DYNC1I1: variants seen among roughly 807,000 people sequenced by gnomAD.
DYNC1I1 encodes the protein cytoplasmic dynein 1 intermediate chain 1.
DYNC1I1 carries 43 observed loss-of-function variants against 86.6 expected under a neutral mutation model. The observed-to-expected ratio is 0.50, with a 90% CI of 0.39 to 0.64. The LOEUF is 0.64. Among genes scored for constraint, DYNC1I1 ranks in the 30% least tolerant of loss-of-function variants. DYNC1I1 has a pLI of 0.00. For synonymous variants in DYNC1I1, 262 were observed against 283.7 expected (o/e 0.92, Z 0.77); for missense variants, 604 against 788.8 (o/e 0.77, Z 2.81).
intron 16 of DYNC1I1, among the ~76,000 whole-genome samples, chr7:96,090,137 A>AAAGATTTCTGAGGAAAGAAGGATGAT (rs1209917395): frequency 6.6e-6 from 1 of 152,176 alleles, no homozygotes; most frequent in Non-Finnish European, 1.5e-5. Context: ...AATAAGGCGA[A>AAAGATTTCTGAGGAAAGAAGGATGAT]AAGATTTCTG....
At chr7:96,014,314 C>T (rs1194461899) in intron 10 of DYNC1I1, among the ~76,000 whole-genome samples, 1 of 152,158 alleles carries the variant, frequency 6.6e-6, no homozygotes, top group Non-Finnish European at 1.5e-5. Flanking sequence ...CTTTCCAGAA[C>T]GTGAGTCTCC....
chr7:96,071,678 A>G (rs1030371724), intron 14 of DYNC1I1, among the ~76,000 whole-genome samples: 9 of 152,316 alleles, frequency 5.9e-5, no homozygotes, highest in Middle Eastern at 3.4e-3. Context: ...CAGGAGAAAA[A>G]GATTCCTGTT....
chr7:95,869,928 T>C lies in DYNC1I1; in HGVS notation c.420T>C (p.Asp140=). ...KLGVSKVTQV[D]FLPREVVSYS... ...GCGTGTCAAAGGTCACCCAAGTGGA[T>C]TTCCTGCCAAGGGAAGTAGTGTCCT... The change falls in exon 6 of 17, where the codon GAT becomes GAC. Residue 140 remains aspartate (D), a synonymous_variant. Transcript: ENST00000447467. The C allele has an allele frequency of 6.2e-7, 1 of 1,614,086 alleles. No homozygotes were observed. The highest frequency in any genetic ancestry group is 1.7e-5 in the Admixed American group (1 of 60,020).
chr7:95,999,237 G>T (rs1479871902), intron 10 of DYNC1I1, among the ~76,000 whole-genome samples: 2 of 152,162 alleles, frequency 1.3e-5, no homozygotes, highest in Non-Finnish European at 2.9e-5. Context: ...TCTTTTAAAT[G>T]GAATGAATAG....
chr7:95,991,618 C>T (rs753679238), intron 9 of DYNC1I1, among the ~76,000 whole-genome samples: 2 of 152,044 alleles, frequency 1.3e-5, no homozygotes, highest in Non-Finnish European at 2.9e-5. Context: ...AGTATCAACC[C>T]TGCAATTAAT....
chr7:95,842,776 G>A (rs1166189588), intron 5 of DYNC1I1, among the ~76,000 whole-genome samples: 1 of 152,132 alleles, frequency 6.6e-6, no homozygotes. Flanking sequence ...TTCATGTATA[G>A]CTGTTTATTT....
At chr7:95,939,652 A>T (rs1324310133) in intron 6 of DYNC1I1, among the ~76,000 whole-genome samples, 1 of 150,802 alleles carries the variant, frequency 6.6e-6, no homozygotes, top group Admixed American at 6.6e-5. Context: ...TTTGCTTGGT[A>T]GATCTTCCTC....
chr7:95,997,479 A>G (rs890429650), intron 10 of DYNC1I1, among the ~76,000 whole-genome samples: 50 of 152,076 alleles, frequency 3.3e-4, no homozygotes, highest in African/African-American at 1.2e-3. Context: ...TGATTTTTAA[A>G]TTTTAATTAT....
intron 10 of DYNC1I1, among the ~76,000 whole-genome samples, chr7:95,999,207 T>C (rs957453388): frequency 1.3e-5 from 2 of 152,200 alleles, no homozygotes; most frequent in African/African-American, 2.4e-5. Flanking sequence ...CCTGCATTGC[T>C]TACCCTGGTG....
At chr7:96,029,417 A>G (rs559027086) in intron 11 of DYNC1I1, among the ~76,000 whole-genome samples, 1 of 152,244 alleles carries the variant, frequency 6.6e-6, no homozygotes, top group East Asian at 1.9e-4. Flanking sequence ...CCCTGTTTGG[A>G]TGGCTGGTGT....
chr7:95,825,731 G>C (rs1046838832), intron 4 of DYNC1I1, among the ~76,000 whole-genome samples: 2 of 152,148 alleles, frequency 1.3e-5, no homozygotes, highest in Non-Finnish European at 2.9e-5. Context: ...GCCTGGATCT[G>C]ATGCCAGGCT....
intron 10 of DYNC1I1, among the ~76,000 whole-genome samples, chr7:96,004,394 C>T (rs1794090281): frequency 6.6e-6 from 1 of 151,984 alleles, no homozygotes. Context: ...GTTTTTTGTT[C>T]TCTAAAGCCA....
chr7:95,993,882 C>T (rs1048995006), intron 9 of DYNC1I1, among the ~76,000 whole-genome samples: 4 of 152,096 alleles, frequency 2.6e-5, no homozygotes, highest in Admixed American at 6.6e-5. Flanking sequence ...GAGAGTGATA[C>T]GGTCTGCCAT....
At chr7:96,011,796 C>T (rs915179200) in intron 10 of DYNC1I1, among the ~76,000 whole-genome samples, 2 of 152,106 alleles carry the variant, frequency 1.3e-5, no homozygotes, top group African/African-American at 2.4e-5. Flanking sequence ...GTCTTTGACA[C>T]CAGTTATATA....
intron 6 of DYNC1I1, among the ~76,000 whole-genome samples, chr7:95,964,205 A>G (rs1034162711): frequency 1.1e-4 from 17 of 152,330 alleles, no homozygotes; most frequent in South Asian, 8.3e-4. Context: ...ATTGGACACT[A>G]GAATGAGAAA....
intron 10 of DYNC1I1, among the ~76,000 whole-genome samples, chr7:96,008,830 T>A (rs1794203600): frequency 6.6e-6 from 1 of 152,210 alleles, no homozygotes; most frequent in Non-Finnish European, 1.5e-5. Flanking sequence ...AATTTAAATA[T>A]ATTCTCCACC....
At chr7:95,878,918 G>T (rs1183674692) in intron 6 of DYNC1I1, among the ~76,000 whole-genome samples, 1 of 147,372 alleles carries the variant, frequency 6.8e-6, no homozygotes, top group East Asian at 2.1e-4. Flanking sequence ...GAAGACAGTG[G>T]TGTGGTGTAT....
intron 5 of DYNC1I1, among the ~76,000 whole-genome samples, chr7:95,847,489 G>A (rs1198678152): frequency 1.3e-5 from 2 of 152,154 alleles, no homozygotes; most frequent in Admixed American, 6.5e-5. Flanking sequence ...TCATTTGTCA[G>A]AGAAGGGTTT....
intron 3 of DYNC1I1, among the ~76,000 whole-genome samples, chr7:95,812,910 A>G (rs556487255): frequency 6.6e-6 from 1 of 152,152 alleles, no homozygotes; most frequent in African/African-American, 2.4e-5. Flanking sequence ...AATCAGAATT[A>G]TCTGGATGGT....
Sources: allele counts gnomAD v4.1 joint callset (sites outside exome capture counted in the v4.1 genomes callset), GRCh38; gene constraint gnomAD v4.1.1; transcripts MANE v1.5; gene names NCBI Gene and HGNC (gene_info 2026-07-23, HGNC 2026-07-21).